Variants in FRS2 observed in about 807,000 individuals in gnomAD.
FRS2 encodes the protein fibroblast growth factor receptor substrate 2.
A neutral mutation model predicts 43.9 loss-of-function variants in FRS2; 8 were observed. That is an observed-to-expected ratio of 0.18 (90% confidence interval 0.11 to 0.33). The LOEUF (loss-of-function observed/expected upper bound fraction) is 0.33, where lower values mean the gene tolerates loss of function less well. FRS2 is among the 10% of genes least tolerant of loss of function. FRS2 has a pLI of 1.00. For missense variants in FRS2, 534 were observed against 627.6 expected, an observed-to-expected ratio of 0.85 and a Z score of 1.59; for synonymous variants, 219 against 220.3, an observed-to-expected ratio of 0.99 and a Z score of 0.05.
In FRS2 at chr12:69,477,262, T is replaced by C. The variant is rs1157365517; in HGVS notation, c.-261+6732T>C. On this transcript the variant is annotated intron_variant, in intron 1 of 8. Transcript: ENST00000549921. ...CTATCTTACATGCATGTCGACAGTA[T>C]TTTAAAATACTTTTTTTTTTTTTTT... Among the ~76,000 whole-genome samples the C allele has an allele frequency of 2.7e-5, 4 of 149,142 alleles. No individual in the cohort carries two copies. The East Asian group carries it at 8.0e-4, about 30-fold the overall frequency.
rs370672491 is a variant in FRS2, at chr12:69,542,158, A to G, written c.-122+10102A>G. Among the ~76,000 whole-genome samples the G allele has an allele frequency of 1.9e-4, 29 of 152,290 alleles. 1 individual carries two copies. In the South Asian group the frequency reaches 5.8e-3, roughly 31 times the overall value. On this transcript the variant is annotated intron_variant, in intron 3 of 8. Transcript: ENST00000549921. Reference sequence around the variant, plus strand: ...TCTGAATATTTTTCTTTACTGACAGACATACTTAGTATAACAAACATATTA... The same window carrying G: ...TCTGAATATTTTTCTTTACTGACAGGCATACTTAGTATAACAAACATATTA...
At chr12:69,534,350 G>A (rs902900739) in intron 3 of FRS2, among the ~76,000 whole-genome samples, 3 of 151,952 alleles carry the variant, frequency 2.0e-5, no homozygotes, top group South Asian at 2.1e-4. Flanking sequence ...TTTCAGCTAC[G>A]TGCTTTTAGA....
At chr12:69,511,546 A>G (rs969279673) in intron 1 of FRS2, among the ~76,000 whole-genome samples, 2 of 152,240 alleles carry the variant, frequency 1.3e-5, no homozygotes, top group African/African-American at 2.4e-5. Context: ...CACAGTTTCA[A>G]TTAGAAACGT....
At chr12:69,515,416 G>A (rs1208807319) in intron 1 of FRS2, among the ~76,000 whole-genome samples, 3 of 151,900 alleles carry the variant, frequency 2.0e-5, no homozygotes, top group Non-Finnish European at 4.4e-5. Flanking sequence ...AATTCACTTT[G>A]CCTCAGACTA....
At chr12:69,536,101 CTTTTTTTTT>C (rs71094720) in intron 3 of FRS2, among the ~76,000 whole-genome samples, 1 of 37,176 alleles carries the variant, frequency 2.7e-5, no homozygotes, top group African/African-American at 9.0e-5. Flanking sequence ...TATTTTCATT[CTTTTTTTTT>C]TTTTTTTTTT....
At chr12:69,564,766 A>G (rs916782449) in intron 4 of FRS2, among the ~76,000 whole-genome samples, 1 of 152,144 alleles carries the variant, frequency 6.6e-6, no homozygotes, top group Admixed American at 6.5e-5. Flanking sequence ...TTTATCATAC[A>G]TATGTTTATT....
In FRS2 at chr12:69,578,888, C is replaced by A. The variant is rs914420518; in HGVS notation, c.*3933C>A. The A allele has an allele frequency of 6.6e-6, 1 of 152,440 alleles. No homozygotes were observed. The highest frequency in any genetic ancestry group is 1.5e-5 in the Non-Finnish European group (1 of 68,008). 9.4% of individuals were successfully genotyped at this position (152,440 alleles called of 1,614,324 possible). On this transcript the variant is annotated 3_prime_UTR_variant, in exon 9 of 9. Transcript: ENST00000549921. ...TGTATATGAAATATGAATTTTACCC[C>A]CATGGTTAATTTCTTTTATAAACAT...
At chr12:69,505,554 C>T (rs767882740) in intron 1 of FRS2, among the ~76,000 whole-genome samples, 1 of 152,140 alleles carries the variant, frequency 6.6e-6, no homozygotes, top group Non-Finnish European at 1.5e-5. Context: ...AAAAAGAATA[C>T]CGCTTAAAAG....
intron 3 of FRS2, among the ~76,000 whole-genome samples, chr12:69,545,240 A>T (rs1279196262): frequency 6.6e-6 from 1 of 152,202 alleles, no homozygotes; most frequent in Non-Finnish European, 1.5e-5. Context: ...TGCCATTCCT[A>T]TCAAAACCAC....
At chr12:69,513,324 T>C (rs1036143629) in intron 1 of FRS2, among the ~76,000 whole-genome samples, 4 of 152,140 alleles carry the variant, frequency 2.6e-5, no homozygotes. Context: ...TGCTTGATTT[T>C]GTTCATATAT....
At chr12:69,536,713 G>GTA (rs905540717) in intron 3 of FRS2, among the ~76,000 whole-genome samples, 8 of 151,886 alleles carry the variant, frequency 5.3e-5, no homozygotes, top group African/African-American at 1.9e-4. Flanking sequence ...TGGGACCACA[G>GTA]GCATGCGCTA....
At chr12:69,536,942 CT>C (rs1877378541) in intron 3 of FRS2, among the ~76,000 whole-genome samples, 1 of 152,076 alleles carries the variant, frequency 6.6e-6, no homozygotes, top group Non-Finnish European at 1.5e-5. Context: ...TCTTGCCAGT[CT>C]TTTGTGTTGA....
chr12:69,490,488 C>T (rs1247022984), intron 1 of FRS2, among the ~76,000 whole-genome samples: 1 of 131,524 alleles, frequency 7.6e-6, no homozygotes, highest in Non-Finnish European at 1.6e-5. Context: ...CCTCCTTCTT[C>T]TCTTGTTTTT....
chr12:69,541,140 T>A (rs1316576549), intron 3 of FRS2, among the ~76,000 whole-genome samples: 1 of 152,158 alleles, frequency 6.6e-6, no homozygotes, highest in Non-Finnish European at 1.5e-5. Flanking sequence ...TTTGCAACTT[T>A]TATTAGATTT....
intron 1 of FRS2, among the ~76,000 whole-genome samples, chr12:69,485,134 C>CACACACACACACAT (rs1194988609): frequency 0.06 from 7,990 of 134,116 alleles, 620 homozygotes; most frequent in African/African-American, 0.13. Flanking sequence ...CACACACACA[C>CACACACACACACAT]ACTCTCACCC....
At chr12:69,542,177 CAT>C (rs1174253704) in intron 3 of FRS2, among the ~76,000 whole-genome samples, 3 of 152,078 alleles carry the variant, frequency 2.0e-5, no homozygotes, top group Non-Finnish European at 4.4e-5. Flanking sequence ...GTATAACAAA[CAT>C]ATTAATTTGC....
At chr12:69,556,010 G>GC (rs1392423507) in intron 3 of FRS2, among the ~76,000 whole-genome samples, 1 of 25,852 alleles carries the variant, frequency 3.9e-5, no homozygotes, top group South Asian at 2.0e-3. Context: ...GTGTGTGGCG[G>GC]GGGGGGGGGC....
At chr12:69,538,889 G>A (rs1285588371) in intron 3 of FRS2, among the ~76,000 whole-genome samples, 1 of 151,540 alleles carries the variant, frequency 6.6e-6, no homozygotes, top group Non-Finnish European at 1.5e-5. Flanking sequence ...TCTATATTTT[G>A]TTATGCAAAT....
chr12:69,533,022 T>A (rs910006308), intron 3 of FRS2, among the ~76,000 whole-genome samples: 4 of 152,230 alleles, frequency 2.6e-5, no homozygotes, highest in African/African-American at 9.6e-5. Context: ...AGTATTCTCA[T>A]TTTACAAATG....
Sources: allele counts gnomAD v4.1 joint callset (sites outside exome capture counted in the v4.1 genomes callset), GRCh38; gene constraint gnomAD v4.1.1; transcripts MANE v1.5; gene names NCBI Gene and HGNC (gene_info 2026-07-23, HGNC 2026-07-21).